Variants in LINGO2 observed in about 807,000 individuals in gnomAD.
LINGO2 encodes the protein leucine-rich repeat and immunoglobulin-like domain-containing nogo receptor-interacting protein 2.
LINGO2 carries 14 observed loss-of-function variants against 30.6 expected under a neutral mutation model. That is an observed-to-expected ratio of 0.46 (90% CI 0.30 to 0.72). The LOEUF (loss-of-function observed/expected upper bound fraction) is 0.72, where lower values mean the gene tolerates loss of function less well. Among genes scored for constraint, LINGO2 ranks in the 30% least tolerant of loss-of-function variants. LINGO2 has a pLI of 0.07. For missense variants in LINGO2, 729 were observed against 751.7 expected (o/e 0.97, Z 0.35); for synonymous variants, 317 against 288.5 (o/e 1.10, Z -1.00).
chr9:28,959,330 T>C, the LINGO2 span, among the ~76,000 whole-genome samples: 8 of 152,074 alleles, frequency 5.3e-5, no homozygotes, highest in South Asian at 4.2e-4. Flanking sequence ...AAAGTAGATA[T>C]AATAATTGGG....
chr9:28,522,549 GT>G (rs1820865469), intron 1 of LINGO2, among the ~76,000 whole-genome samples: 1 of 152,058 alleles, frequency 6.6e-6, no homozygotes, highest in African/African-American at 2.4e-5. Flanking sequence ...AAAAGTCTTT[GT>G]CACTTCTAAG....
chr9:28,675,275 TG>T (rs1179718868), upstream of LINGO2, among the ~76,000 whole-genome samples: 3 of 152,184 alleles, frequency 2.0e-5, no homozygotes, highest in Non-Finnish European at 4.4e-5. Context: ...TGAATGGCTT[TG>T]GACATGGAAG....
intron 4 of LINGO2, among the ~76,000 whole-genome samples, chr9:28,257,647 T>C (rs373364161): frequency 7.2e-5 from 11 of 152,060 alleles, no homozygotes; most frequent in Admixed American, 3.9e-4. Flanking sequence ...TACCTTGATC[T>C]CCACCTGCGT....
chr9:28,443,939 T>C (rs1824303056), intron 2 of LINGO2, among the ~76,000 whole-genome samples: 1 of 152,128 alleles, frequency 6.6e-6, no homozygotes, highest in Non-Finnish European at 1.5e-5. Context: ...TGAGAACTTA[T>C]GGTGCTTTTC....
At chr9:28,139,539 A>G (rs901987931) in intron 4 of LINGO2, among the ~76,000 whole-genome samples, 2 of 152,200 alleles carry the variant, frequency 1.3e-5, no homozygotes, top group African/African-American at 4.8e-5. Flanking sequence ...TTAATTAAAG[A>G]GCATAAAGTA....
At chr9:28,249,717 T>G (rs1399529307) in intron 4 of LINGO2, among the ~76,000 whole-genome samples, 1 of 152,098 alleles carries the variant, frequency 6.6e-6, no homozygotes, top group Non-Finnish European at 1.5e-5. Context: ...GAATAATTAT[T>G]TTTACTTACT....
At chr9:28,396,289 T>G (rs989444736) in intron 2 of LINGO2, among the ~76,000 whole-genome samples, 4 of 152,132 alleles carry the variant, frequency 2.6e-5, no homozygotes, top group Admixed American at 2.6e-4. Flanking sequence ...TAAATCCAAG[T>G]AAGGAAACAG....
the LINGO2 span, among the ~76,000 whole-genome samples, chr9:28,705,961 T>C: frequency 1.3e-5 from 2 of 152,102 alleles, no homozygotes; most frequent in East Asian, 1.9e-4. Context: ...GATTTTTACT[T>C]GTTGTTAGGA....
chr9:28,653,068 A>T (rs781237732), intron 1 of LINGO2, among the ~76,000 whole-genome samples: 19 of 152,148 alleles, frequency 1.2e-4, no homozygotes, highest in Non-Finnish European at 2.4e-4. Context: ...GAAAATGTTT[A>T]ATACTTTAAT....
At chr9:28,571,530 A>G (rs1823692751) in intron 1 of LINGO2, among the ~76,000 whole-genome samples, 2 of 152,076 alleles carry the variant, frequency 1.3e-5, no homozygotes, top group African/African-American at 4.8e-5. Context: ...AATAGGAATT[A>G]TCATTAGTCC....
intron 1 of LINGO2, among the ~76,000 whole-genome samples, chr9:28,639,475 A>C (rs1374108668): frequency 6.7e-6 from 1 of 150,274 alleles, no homozygotes; most frequent in African/African-American, 2.4e-5. Context: ...GTAGGTCTCT[A>C]AGGACTTGCT....
At chr9:28,170,087 T>G (rs1317285720) in intron 4 of LINGO2, among the ~76,000 whole-genome samples, 2 of 152,356 alleles carry the variant, frequency 1.3e-5, no homozygotes, top group Admixed American at 6.5e-5. Context: ...TTGTATTCAC[T>G]GCTAAGTTTC....
the LINGO2 span, among the ~76,000 whole-genome samples, chr9:28,992,275 T>C: frequency 9.0e-4 from 137 of 152,100 alleles, 1 homozygote; most frequent in East Asian, 0.018. Context: ...AAGAAGGCCA[T>C]TACATAATGG....
the LINGO2 span, among the ~76,000 whole-genome samples, chr9:28,876,732 G>C: frequency 6.6e-6 from 1 of 152,066 alleles, no homozygotes; most frequent in Non-Finnish European, 1.5e-5. Context: ...TGTCTTTATA[G>C]CAGCATGATT....
downstream of LINGO2, among the ~76,000 whole-genome samples, chr9:27,947,013 C>T (rs1303031454): frequency 6.6e-6 from 1 of 152,092 alleles, no homozygotes; most frequent in East Asian, 1.9e-4. Context: ...TGAATGTCAA[C>T]CCGCCAATCC....
intron 2 of LINGO2, among the ~76,000 whole-genome samples, chr9:28,417,597 A>G (rs1823016405): frequency 6.6e-6 from 1 of 152,158 alleles, no homozygotes; most frequent in Non-Finnish European, 1.5e-5. Context: ...TTGCTATTTC[A>G]CTTTACGTGA....
At chr9:29,188,639 A>T in the LINGO2 span, among the ~76,000 whole-genome samples, 1 of 151,280 alleles carries the variant, frequency 6.6e-6, no homozygotes, top group Non-Finnish European at 1.5e-5. Flanking sequence ...CTCACTTCCC[A>T]GTAGGGGCGG....
At chr9:28,697,983 T>A in the LINGO2 span, among the ~76,000 whole-genome samples, 1 of 152,152 alleles carries the variant, frequency 6.6e-6, no homozygotes, top group South Asian at 2.1e-4. Context: ...TAAGGCTTAA[T>A]TCATTGAATC....
At chr9:28,051,835 T>C (rs562448483) in intron 4 of LINGO2, among the ~76,000 whole-genome samples, 1 of 151,832 alleles carries the variant, frequency 6.6e-6, no homozygotes, top group South Asian at 2.1e-4. Flanking sequence ...AAATCCAAAT[T>C]AAAAAAACAG....
Sources: gnomAD v4.1 joint callset for allele counts (sites outside exome capture counted in the v4.1 genomes callset) on GRCh38, gnomAD v4.1.1 for gene constraint, MANE v1.5 for transcripts, NCBI Gene and HGNC (gene_info 2026-07-23, HGNC 2026-07-21) for gene names.